ABCC10: variants seen among roughly 807,000 people sequenced by gnomAD.
ABCC10 encodes the protein ATP binding cassette subfamily C member 10, also known as ATP-binding cassette sub-family C member 10.
In ABCC10, 110 loss-of-function variants were observed where a neutral mutation model predicts 143.2. The observed-to-expected ratio is 0.77, with a 90% CI of 0.66 to 0.90. ABCC10 has a LOEUF of 0.90. Ranked by LOEUF, ABCC10 falls within the 40% of genes least tolerant of loss-of-function variation. The probability of loss-of-function intolerance (pLI) is 0.00; values close to 1 mark genes in which losing one functional copy is unlikely to be tolerated. For missense variants in ABCC10, 1,700 were observed against 1,900.5 expected (o/e 0.89, Z 1.96); for synonymous variants, 805 against 846.7 (o/e 0.95, Z 0.85).
chr6:43,436,018 A>G, intron 5 of ABCC10, 111 bp downstream of exon 5: 1 of 1,599,198 alleles, frequency 6.3e-7, no homozygotes, highest in Non-Finnish European at 8.6e-7. Flanking sequence ...CGGAATCCAA[A>G]ACAGACTCAT....
intron 8 of ABCC10, 103 bp from the exon 9 acceptor site, chr6:43,441,759 G>A: frequency 1.1e-6 from 1 of 887,350 alleles, no homozygotes; most frequent in East Asian, 2.7e-5. Context: ...CTCTCCTCAA[G>A]CTCCCTACTT....
intron 7 of ABCC10, chr6:43,438,376 A>G: frequency 7.0e-7 from 1 of 1,418,826 alleles, no homozygotes; most frequent in African/African-American, 1.4e-5. Context: ...CTCTCCACTG[A>G]GCTCCTGAAC....
At position 43,438,662 on chromosome 6, in the gene ABCC10, G is replaced by C. The variant is rs1372266163; in HGVS notation, c.1994G>C (p.Gly665Ala). 6.2e-7 allele frequency: 1 copy of C among 1,614,182 alleles called. No homozygotes were observed. Among genetic ancestry groups the C allele is most frequent in the Non-Finnish European group, 8.5e-7 (1 of 1,180,040 alleles). ...GTGGCAGTGCGGGGGCTGTCCAAGGGCTTTGGCCTGGCCACCCAGGAACCC... is the reference window on the plus strand; with the variant it reads ...GTGGCAGTGCGGGGGCTGTCCAAGGCCTTTGGCCTGGCCACCCAGGAACCC... Reference protein sequence around the residue: ...GHVAVRGLSKGFGLATQEPWI... With the variant: ...GHVAVRGLSKAFGLATQEPWI... Residue 665 changes from glycine to alanine, a missense_variant, in exon 8 of 22, where the codon GGC becomes GCC. Transcript: ENST00000372530.
In ABCC10 at chr6:43,427,596, G is replaced by A; in HGVS notation, c.-173G>A. The A allele has an allele frequency of 3.1e-6, 1 of 324,260 alleles. No individual in the cohort carries two copies. The highest frequency in any genetic ancestry group is 2.6e-5 in the South Asian group (1 of 38,438). The allele number at this position is 324,260 out of a possible 1,614,324, so 20.1% of individuals were successfully genotyped here. ...AGGTCTTCCAACCTCTAGGTGGGGT[G>A]CCAGCCGGGGCGGGCCCAGCACCCC... is the stretch of plus-strand genomic sequence containing the variant. On this transcript the variant is annotated 5_prime_UTR_variant, in exon 1 of 22. Transcript: ENST00000372530.
At chr6:43,438,921 C>G in intron 8 of ABCC10, 126 bp downstream of exon 8, 1 of 1,175,434 alleles carries the variant, frequency 8.5e-7, no homozygotes, top group East Asian at 2.4e-5. Flanking sequence ...CTAGGAATGG[C>G]CATCGGACTG....
chr6:43,432,561 G>GA lies in ABCC10; in HGVS notation c.582dup (p.Pro195ThrfsTer18). 1.2e-6 allele frequency: 2 copies of GA among 1,613,338 alleles called. No individual in the cohort carries two copies. Among genetic ancestry groups the GA allele is most frequent in the Middle Eastern group, 1.6e-4 (1 of 6,062 alleles). On this transcript the variant is annotated frameshift_variant, in exon 3 of 22. Transcript: ENST00000372530. LOFTEE classifies it high-confidence loss of function. ...GCACTGGGATGGGCAGCTCCTGGGG[G>GA]ACCACGAGAACCCTGGGCTCAGGAG...
chr6:43,448,064 G>C (rs759703470), intron 18 of ABCC10, 127 bp downstream of exon 18: 1 of 1,436,806 alleles, frequency 7.0e-7, no homozygotes, highest in African/African-American at 1.4e-5. Flanking sequence ...CTGAAATGGA[G>C]GACAGGATGA....
intron 1 of ABCC10, 49 bp from the exon 2 acceptor site, chr6:43,427,919 A>G (rs760350298): frequency 1.6e-5 from 26 of 1,601,804 alleles, no homozygotes; most frequent in Non-Finnish European, 2.2e-5. Flanking sequence ...AAGTGCAGGC[A>G]AAGCCGGCTG....
chr6:43,433,418 C>T, intron 3 of ABCC10, 58 bp downstream of exon 3: 1 of 1,521,050 alleles, frequency 6.6e-7, no homozygotes, highest in South Asian at 1.3e-5. Context: ...CCCAGGTCCC[C>T]AGGTCTTCCC....
chr6:43,432,421 A>G lies in ABCC10; in HGVS notation c.441A>G (p.Leu147=), dbSNP rs1252639201. 6.2e-7 allele frequency: 1 copy of G among 1,611,716 alleles called. No individual in the cohort carries two copies. Among genetic ancestry groups the G allele is most frequent in the Non-Finnish European group, 8.5e-7 (1 of 1,180,008 alleles). The stretch of plus-strand genomic sequence containing the variant: ...TAGCCTTGCTGCCAGCTCCAGCCCT[A>G]GTGCTGACCGTGTTGTGGCATTGCC... ...ALVALLPAPA[L]VLTVLWHCQR... is the part of the protein sequence containing the mutation. Residue 147 remains leucine, a synonymous_variant, in exon 3 of 22, where the codon CTA becomes CTG. Transcript: ENST00000372530.
In ABCC10 at chr6:43,443,320, G is replaced by A. The variant is rs1040173675; in HGVS notation, c.2416+161G>A. 8.3e-6 allele frequency: 6 copies of A among 722,214 alleles called. No homozygotes were observed. Among genetic ancestry groups the A allele is most frequent in the Non-Finnish European group, 1.1e-5 (5 of 470,308 alleles). The allele number at this position is 722,214 out of a possible 1,614,324, so 44.7% of individuals were successfully genotyped here. The stretch of plus-strand genomic sequence containing the variant: ...TGTGAGGAACTGGGAGAACAGGAGG[G>A]AAAAGGAGTACGTTGGTAAAATGCC... On this transcript the variant is annotated intron_variant, in intron 10 of 21. Transcript: ENST00000372530. The surrounding 1 kb of genome is among the most constrained non-coding windows in gnomAD (Gnocchi z 4.2).
At chr6:43,438,258 G>T (rs1410472346) in intron 7 of ABCC10, 9 of 1,095,546 alleles carry the variant, frequency 8.2e-6, no homozygotes, top group Admixed American at 5.8e-5. Flanking sequence ...TCCAGTGTCA[G>T]CTATTCTTTC....
rs552470157 is a variant in ABCC10 at position 43,431,782 on chromosome 6, G to C, written c.162-360G>C. Reference sequence around the variant, plus strand: ...TGATCCCATCACCAAAGTAGCAAACGTAGTACCCAGGATTTTTTTTTTCCT... The same window carrying C: ...TGATCCCATCACCAAAGTAGCAAACCTAGTACCCAGGATTTTTTTTTTCCT... On this transcript the variant is annotated intron_variant, in intron 2 of 21. Coordinates refer to ENST00000372530, the MANE Select transcript of ABCC10 (RefSeq NM_001198934.2). 4.2e-4 allele frequency: 456 copies of C among 1,096,984 alleles called. 1 individual carries two copies. Among genetic ancestry groups the C allele is most frequent in the Non-Finnish European group, 4.7e-4 (428 of 901,596 alleles). 68.0% of individuals were successfully genotyped at this position (1,096,984 alleles called of 1,614,324 possible). A position where few individuals can be genotyped will look rare whatever the true frequency, so the allele number is the denominator to read the frequency against.
At chr6:43,439,988 G>A (rs1165635603) in intron 8 of ABCC10, among the ~76,000 whole-genome samples, 3 of 150,680 alleles carry the variant, frequency 2.0e-5, no homozygotes, top group Non-Finnish European at 4.4e-5. Flanking sequence ...ACAGAGTCTT[G>A]CTCTGTCGCT....
At position 43,445,716 on chromosome 6, in the gene ABCC10, G is replaced by T. The variant is rs200921502; in HGVS notation, c.3148G>T (p.Ala1050Ser). The T allele has an allele frequency of 9.9e-6, 16 of 1,614,076 alleles. No homozygotes were observed. Among genetic ancestry groups the T allele is most frequent in the Non-Finnish European group, 2.5e-6 (3 of 1,180,044 alleles). The change falls in exon 15 of 22, where the codon GCG (alanine) becomes TCG (serine). Residue 1050 changes from alanine (A) to serine (S), a missense_variant. Transcript: ENST00000372530. ...PFILNILLAN[A>S]AGLLGLLAVL... ...CATCCTCAACATCCTCCTGGCCAAC[G>T]CGGCAGGCCTGCTGGGGCTCCTGGC... is the stretch of plus-strand genomic sequence containing the variant.
downstream of ABCC10, chr6:43,451,342 A>G (rs572215963): frequency 4.5e-6 from 7 of 1,539,996 alleles, no homozygotes; most frequent in Admixed American, 1.9e-5. This position sits in a 1 kb window ranked among gnomAD's most constrained non-coding sequence, Gnocchi z 4.4. Flanking sequence ...CCAGGTCAGT[A>G]TCCTGACCAC....
chr6:43,444,261 G>A lies in ABCC10; in HGVS notation c.2597G>A (p.Gly866Asp). The A allele has an allele frequency of 3.1e-6, 5 of 1,614,162 alleles. No individual in the cohort carries two copies. The highest frequency in any genetic ancestry group is 4.2e-6 in the Non-Finnish European group (5 of 1,180,018). The part of the protein sequence containing the change: ...RLLQEESKKE[G>D]AVALHVYQAY... ...CTGCAGGAAGAAAGCAAGAAGGAGG[G>A]CGCCGTGGCCTTGCACGTGTACCAA... The change falls in exon 12 of 22, where the codon GGC becomes GAC. Residue 866 changes from glycine to aspartate, a missense_variant. Coordinates refer to ENST00000372530, the MANE Select transcript of ABCC10 (RefSeq NM_001198934.2).
intron 8 of ABCC10, among the ~76,000 whole-genome samples, chr6:43,441,458 G>C (rs990697928): frequency 2.0e-5 from 3 of 151,708 alleles, no homozygotes; most frequent in Non-Finnish European, 4.4e-5. Flanking sequence ...CCTGGCGACA[G>C]AGCGAGACTC....
intron 17 of ABCC10, 60 bp from the exon 18 acceptor site, chr6:43,447,624 C>T (rs767487518): frequency 8.1e-6 from 13 of 1,600,228 alleles, no homozygotes; most frequent in Middle Eastern, 1.7e-4. Context: ...TCCTCACCAT[C>T]GCTCCTCATC....
Sources: allele counts gnomAD v4.1 joint callset (sites outside exome capture counted in the v4.1 genomes callset), GRCh38; gene constraint gnomAD v4.1.1; non-coding constraint Gnocchi (gnomAD v3.1); transcripts MANE v1.5; gene names NCBI Gene and HGNC (gene_info 2026-07-23, HGNC 2026-07-21).